Variants in RBM19 observed in about 807,000 individuals in gnomAD.
RBM19 encodes the protein RNA binding motif protein 19, also known as probable RNA-binding protein 19.
In RBM19, 94 loss-of-function variants were observed where a neutral mutation model predicts 116.8. That is an observed-to-expected ratio of 0.80 (90% CI 0.68 to 0.95). The LOEUF is 0.95. RBM19 is among the 40% of genes least tolerant of loss of function. RBM19 has a pLI of 0.00. For missense variants in RBM19, 1,161 were observed against 1,220.7 expected, an observed-to-expected ratio of 0.95 and a Z score of 0.73; for synonymous variants, 475 against 494.1, an observed-to-expected ratio of 0.96 and a Z score of 0.51.
At chr12:113,893,934 A>AATGG in intron 21 of RBM19, among the ~76,000 whole-genome samples, 1 of 152,208 alleles carries the variant, frequency 6.6e-6, no homozygotes. Flanking sequence ...AGAAAGTTCT[A>AATGG]ATGGATGGTG....
intron 7 of RBM19, among the ~76,000 whole-genome samples, 155 bp downstream of exon 7, chr12:113,954,976 G>A (rs898414425): frequency 2.1e-4 from 32 of 152,042 alleles, no homozygotes; most frequent in Admixed American, 3.9e-4. Flanking sequence ...TGACGATGCC[G>A]GAGATGTTAT....
rs529951540 is a variant in RBM19, at chr12:113,825,557, T to C, written c.2786-2236A>G. ...CACTGACGCCCCTCCCATCTGCTAA[T>C]ATGAGTTGGGGATGGCAGCTCACTC... On this transcript the variant is annotated intron_variant, in intron 23 of 23. Coordinates refer to ENST00000261741, the MANE Select transcript of RBM19 (RefSeq NM_016196.4). The surrounding 1 kb of genome is among the most constrained non-coding windows in gnomAD (Gnocchi z 5.7). Among the ~76,000 whole-genome samples the C allele has an allele frequency of 2.1e-4, 32 of 152,238 alleles. No homozygotes were observed. The South Asian group carries it at 6.6e-3, about 32-fold the overall frequency.
chr12:113,952,599 A>T lies in RBM19; in HGVS notation c.922-9T>A. 2 of 1,613,140 alleles carry T rather than the reference A, an allele frequency of 1.2e-6. No homozygotes were observed. The highest frequency in any genetic ancestry group is 1.7e-6 in the Non-Finnish European group (2 of 1,179,168). On this transcript the variant is annotated splice_polypyrimidine_tract_variant and intron_variant, in intron 7 of 23. Coordinates refer to ENST00000261741, the MANE Select transcript of RBM19 (RefSeq NM_016196.4). Reference sequence around the variant, plus strand: ...AATTCCATAACATTTTTCTGTGAGAAGAAGTTTTTTTCCCCTTACCAACCA... The same window carrying T: ...AATTCCATAACATTTTTCTGTGAGATGAAGTTTTTTTCCCCTTACCAACCA...
chr12:113,934,345 C>T (rs192545996), intron 16 of RBM19, among the ~76,000 whole-genome samples: 97 of 152,376 alleles, frequency 6.4e-4, no homozygotes, highest in Non-Finnish European at 2.9e-4. Flanking sequence ...GAAACTGAGC[C>T]TCAGAGAGGC....
chr12:113,954,110 A>G (rs529370491), intron 7 of RBM19, among the ~76,000 whole-genome samples: 2 of 152,330 alleles, frequency 1.3e-5, no homozygotes, highest in East Asian at 3.9e-4. Flanking sequence ...AGCAGAGTAT[A>G]TTCAATATTC....
intron 23 of RBM19, among the ~76,000 whole-genome samples, chr12:113,827,671 C>T (rs897259871): frequency 1.3e-5 from 2 of 151,964 alleles, no homozygotes; most frequent in Non-Finnish European, 2.9e-5. Flanking sequence ...ATGAGGCAGG[C>T]GTGAACAGTC....
chr12:113,954,967 G>T (rs1274315512), intron 7 of RBM19, among the ~76,000 whole-genome samples, 164 bp downstream of exon 7: 2 of 152,120 alleles, frequency 1.3e-5, no homozygotes, highest in African/African-American at 4.8e-5. Flanking sequence ...TCCTGACCCT[G>T]ACGATGCCGG....
chr12:113,893,023 T>C (rs1048308248), intron 21 of RBM19, among the ~76,000 whole-genome samples: 3 of 134,952 alleles, frequency 2.2e-5, no homozygotes, highest in African/African-American at 6.1e-5. Flanking sequence ...ACTGTAACTA[T>C]TGATTTTTTT....
chr12:113,893,730 G>T (rs975978231), intron 21 of RBM19, among the ~76,000 whole-genome samples: 2 of 152,152 alleles, frequency 1.3e-5, no homozygotes, highest in African/African-American at 4.8e-5. Context: ...GATCCGTGCT[G>T]CCCAATATGG....
intron 21 of RBM19, among the ~76,000 whole-genome samples, chr12:113,864,350 C>G (rs551266010): frequency 6.6e-6 from 1 of 152,266 alleles, no homozygotes; most frequent in African/African-American, 2.4e-5. Context: ...CCAGTGAGCT[C>G]CCTCCCCTCT....
chr12:113,927,359 G>A lies in RBM19; in HGVS notation c.2069-130C>T. On this transcript the variant is annotated intron_variant, in intron 16 of 23. Coordinates refer to ENST00000261741, the MANE Select transcript of RBM19 (RefSeq NM_016196.4). ...AAGGGGTTCTGCCTCTGCGGGCAGT[G>A]GCAGGAAGGGGCACCGTGATCCCCA... 7.4e-6 allele frequency: 8 copies of A among 1,082,622 alleles called. 1 individual carries two copies. The African/African-American group carries it at 9.6e-5, about 13-fold the overall frequency. The allele number at this position is 1,082,622 out of a possible 1,614,324, so 67.1% of individuals were successfully genotyped here. A position where few individuals can be genotyped will look rare whatever the true frequency, so the allele number is the denominator to read the frequency against.
intron 18 of RBM19, among the ~76,000 whole-genome samples, chr12:113,923,606 G>A (rs1032605588): frequency 1.1e-4 from 17 of 152,318 alleles, no homozygotes; most frequent in African/African-American, 4.1e-4. Flanking sequence ...CTTTCTAGGT[G>A]TAGGCGTATC....
intron 16 of RBM19, among the ~76,000 whole-genome samples, chr12:113,934,806 G>A (rs971594965): frequency 6.6e-6 from 1 of 152,070 alleles, no homozygotes; most frequent in African/African-American, 2.4e-5. Context: ...AAAACCAAAC[G>A]TTCAAACCTA....
At chr12:113,829,061 G>A (rs937045481) in intron 23 of RBM19, among the ~76,000 whole-genome samples, 1 of 151,644 alleles carries the variant, frequency 6.6e-6, no homozygotes, top group Admixed American at 6.6e-5. Flanking sequence ...GCAGTGGAGC[G>A]ATCTCGGCTC....
intron 23 of RBM19, among the ~76,000 whole-genome samples, chr12:113,838,886 G>A (rs751906208): frequency 2.0e-5 from 3 of 152,202 alleles, no homozygotes; most frequent in African/African-American, 7.2e-5. Flanking sequence ...CAAGGGCTTC[G>A]GCTGGTGCCA....
intron 2 of RBM19, among the ~76,000 whole-genome samples, chr12:113,961,578 T>C (rs769758091): frequency 6.6e-6 from 1 of 152,178 alleles, no homozygotes. Context: ...TCACGAGACA[T>C]ATATATATTT....
intron 21 of RBM19, among the ~76,000 whole-genome samples, chr12:113,880,788 C>G (rs1296080629): frequency 1.3e-5 from 2 of 152,190 alleles, no homozygotes; most frequent in Non-Finnish European, 2.9e-5. Flanking sequence ...GTTTTCCCAC[C>G]TGTACCTTAG....
intron 21 of RBM19, among the ~76,000 whole-genome samples, chr12:113,872,638 C>T (rs866350074): frequency 0.013 from 775 of 60,754 alleles, 13 homozygotes; most frequent in African/African-American, 0.048. Flanking sequence ...TCTGCCCGGC[C>T]GCCCCTACTG....
chr12:113,831,225 T>C (rs1408724480), intron 23 of RBM19, among the ~76,000 whole-genome samples: 1 of 147,012 alleles, frequency 6.8e-6, no homozygotes, highest in Non-Finnish European at 1.5e-5. Context: ...AAAGATCTAA[T>C]TTCAGCCGAC....
Sources: gnomAD v4.1 joint callset for allele counts (sites outside exome capture counted in the v4.1 genomes callset) on GRCh38, gnomAD v4.1.1 for gene constraint, Gnocchi (gnomAD v3.1) non-coding constraint, MANE v1.5 for transcripts, NCBI Gene and HGNC (gene_info 2026-07-23, HGNC 2026-07-21) for gene names.